The following ODF2 variants were observed in gnomAD, a reference collection of about 807,000 sequenced individuals.
ODF2 encodes outer dense fiber protein 2.
ODF2 carries 47 observed loss-of-function variants against 110.2 expected under a neutral mutation model. The ratio of observed to expected loss-of-function variants is 0.43; its 90% CI spans 0.34 to 0.54. The LOEUF is 0.54. ODF2 is among the 20% of genes least tolerant of loss of function. ODF2 has a pLI of 0.03. For missense variants in ODF2, 812 were observed against 1,054.5 expected (o/e 0.77, Z 3.19); for synonymous variants, 352 against 397.7 (o/e 0.89, Z 1.37).
At chr9:128,472,800 C>T in intron 6 of ODF2, 113 bp from the exon 7 acceptor site, 1 of 1,511,252 alleles carries the variant, frequency 6.6e-7, no homozygotes, top group Admixed American at 1.9e-5. Flanking sequence ...CTGCCCCCTC[C>T]CCTACTTTTC....
chr9:128,481,509 G>T, intron 8 of ODF2, 71 bp from the exon 9 acceptor site: 11 of 1,162,748 alleles, frequency 9.5e-6, no homozygotes, highest in Non-Finnish European at 1.2e-5. Flanking sequence ...AAAAGGTAAA[G>T]AATCAATAAA....
At chr9:128,470,018 A>AATATATATAT in intron 5 of ODF2, among the ~76,000 whole-genome samples, 174 of 16,958 alleles carry the variant, frequency 0.01, 4 homozygotes, top group East Asian at 0.03. Context: ...AAAAAAAAAA[A>AATATATATAT]ATATATATAT....
rs528239357 is a variant in ODF2 at position 128,467,892 on chromosome 9, A to G, written c.250-1291A>G. Among the ~76,000 whole-genome samples the G allele has an allele frequency of 3.9e-5, 6 of 152,166 alleles. No homozygotes were observed. The South Asian group carries it at 8.3e-4, about 21-fold the overall frequency. On this transcript the variant is annotated intron_variant, in intron 4 of 20. Transcript: ENST00000604420. ...GCCCGGCTAATTTTTTTGTATTTTT[A>G]GTAGACACGGGGTTTCAGTGTCTCG...
Position 128,485,314 on chromosome 9 carries a change from A to G in ODF2, c.1291-51A>G. 1 of 973,330 alleles carries G rather than the reference A, an allele frequency of 1.0e-6. No homozygotes were observed. Among genetic ancestry groups the G allele is most frequent in the Non-Finnish European group, 1.6e-6 (1 of 615,968 alleles). 60.3% of individuals were successfully genotyped at this position (973,330 alleles called of 1,614,324 possible). A position where few individuals can be genotyped will look rare whatever the true frequency, so the allele number is the denominator to read the frequency against. On this transcript the variant is annotated intron_variant, in intron 12 of 20. Transcript: ENST00000604420. The surrounding 1 kb of genome is among the most constrained non-coding windows in gnomAD (Gnocchi z 5.0). ...GATGAGCCCGCTCCCAGCTCCTGGC[A>G]GCCTCACCACTGACACTAGGCTAAC...
exon 15 of ODF2, chr9:128,492,476 C>A: frequency 6.2e-7 from 1 of 1,613,962 alleles, no homozygotes; most frequent in South Asian, 1.1e-5. Context: ...ACCTCGAGGT[C>A]CAGCAGCTGA....
upstream of ODF2, chr9:128,456,014 C>A: frequency 7.0e-7 from 1 of 1,423,734 alleles, no homozygotes; most frequent in South Asian, 1.5e-5. Flanking sequence ...TCTGGCGGGG[C>A]GGGGCATCTC....
intron 14 of ODF2, among the ~76,000 whole-genome samples, chr9:128,489,113 G>A (rs1844016553): frequency 1.3e-5 from 2 of 152,178 alleles, no homozygotes; most frequent in Admixed American, 1.3e-4. Flanking sequence ...ATTTGAACCC[G>A]AGTCTGACTC....
intron 18 of ODF2, 33 bp from the exon 19 acceptor site, chr9:128,498,380 A>G: frequency 6.6e-7 from 1 of 1,509,796 alleles, no homozygotes; most frequent in Non-Finnish European, 8.9e-7. Context: ...AGGTTGGGGT[A>G]TGCCCAGGAT....
chr9:128,476,698 C>G (rs1841350499), intron 8 of ODF2, among the ~76,000 whole-genome samples: 1 of 149,836 alleles, frequency 6.7e-6, no homozygotes, highest in African/African-American at 2.5e-5. Context: ...AGTGCAGTGG[C>G]ACGATATCGG....
rs1843119515 is a variant in ODF2, at chr9:128,485,111, TTCAGCCACA to T, written c.1290+231_1290+239del. ...GATGATTGGAGGCTTTGTAGGAGAG[TTCAGCCACA>T]TCAGCTTTGTGGGTGAGAATAATGG... is the stretch of plus-strand genomic sequence containing the variant. On this transcript the variant is annotated intron_variant, in intron 12 of 20. Coordinates refer to ENST00000604420, the Ensembl canonical transcript of ODF2. The surrounding 1 kb of genome is among the most constrained non-coding windows in gnomAD (Gnocchi z 5.0). Among the ~76,000 whole-genome samples, 1 of 151,876 alleles carries T rather than the reference TTCAGCCACA, an allele frequency of 6.6e-6. No homozygotes were observed. The highest frequency in any genetic ancestry group is 2.4e-5 in the African/African-American group (1 of 41,322).
At chr9:128,496,048 A>T in exon 18 of ODF2, 2 of 1,613,824 alleles carry the variant, frequency 1.2e-6, no homozygotes, top group Non-Finnish European at 1.7e-6. Context: ...TAGATCGAAC[A>T]CCAGGGGGAC....
intron 5 of ODF2, 89 bp downstream of exon 5, chr9:128,469,442 GTCTGCAGGCCTTCAGGCCTCC>G (rs1839154306): frequency 7.2e-7 from 1 of 1,386,986 alleles, no homozygotes; most frequent in Non-Finnish European, 1.0e-6. Context: ...CTCAGCCTGC[GTCTGCAGGCCTTCAGGCCTCC>G]TCTGCAGGGT....
chr9:128,466,889 A>C (rs1460523231), intron 4 of ODF2, among the ~76,000 whole-genome samples: 1 of 143,428 alleles, frequency 7.0e-6, no homozygotes, highest in Non-Finnish European at 1.5e-5. Context: ...AGGCAGGAGA[A>C]TGGCGTGAAC....
rs11408923 is a variant in ODF2 at position 128,494,062 on chromosome 9, T to TA, written c.1753-447dup. On this transcript the variant is annotated intron_variant, in intron 16 of 20. Transcript: ENST00000604420. This position sits in a 1 kb window ranked among gnomAD's most constrained non-coding sequence, Gnocchi z 4.6. ...TGCGCCCCTTGGCTTTCCAGAGTGC[T>TA]AGATTACAGGTGTGAGCCACTGCAC... Among the ~76,000 whole-genome samples, 151,751 of 152,342 alleles carry TA rather than the reference T, an allele frequency of 1. 75,587 individuals are homozygous for TA. The highest frequency in any genetic ancestry group is 1 in the Middle Eastern group (294 of 294).
intron 8 of ODF2, among the ~76,000 whole-genome samples, chr9:128,474,025 C>T (rs1840676383): frequency 6.6e-6 from 1 of 152,036 alleles, no homozygotes; most frequent in African/African-American, 2.4e-5. Flanking sequence ...AAAGAGAGTT[C>T]CAGACCTGAG....
chr9:128,469,451 CCT>C, intron 5 of ODF2, 98 bp downstream of exon 5: 8 of 1,282,510 alleles, frequency 6.2e-6, no homozygotes, highest in Non-Finnish European at 7.8e-6. Flanking sequence ...CGTCTGCAGG[CCT>C]TCAGGCCTCC....
At position 128,457,049 on chromosome 9, in the gene ODF2, C is replaced by T. The variant is rs1835058192; in HGVS notation, c.-208-149C>T. ...GCCCTCTCCGCACGTCCGCCGGCGC[C>T]TCAGGTTTCCCCCGGTAGCCACCGG... is the stretch of plus-strand genomic sequence containing the variant. On this transcript the variant is annotated intron_variant, in intron 1 of 20. Transcript: ENST00000604420. The T allele has an allele frequency of 3.9e-6, 5 of 1,296,732 alleles. No individual in the cohort carries two copies. The South Asian group carries it at 7.1e-5, about 18-fold the overall frequency. 80.3% of individuals were successfully genotyped at this position (1,296,732 alleles called of 1,614,324 possible).
chr9:128,464,291 G>C (rs1837288840), intron 4 of ODF2, among the ~76,000 whole-genome samples: 1 of 151,016 alleles, frequency 6.6e-6, no homozygotes, highest in Admixed American at 6.6e-5. Context: ...GAGTAACTGG[G>C]ACTACAGGCG....
chr9:128,456,105 C>T (rs1327722613), upstream of ODF2: 14 of 1,544,458 alleles, frequency 9.1e-6, no homozygotes, highest in South Asian at 1.2e-4. Flanking sequence ...GGCGAGCTGC[C>T]GACCGGGTGT....
Sources: allele counts gnomAD v4.1 joint callset (sites outside exome capture counted in the v4.1 genomes callset), GRCh38; gene constraint gnomAD v4.1.1; non-coding constraint Gnocchi (gnomAD v3.1); transcripts MANE v1.5; gene names NCBI Gene and HGNC (gene_info 2026-07-23, HGNC 2026-07-21).